Variants in CNTNAP2 observed in about 807,000 individuals in gnomAD.
CNTNAP2 encodes the protein contactin-associated protein-like 2.
A neutral mutation model predicts 155.2 loss-of-function variants in CNTNAP2; 98 were observed. The ratio of observed to expected loss-of-function variants is 0.63; its 90% CI spans 0.54 to 0.75. The LOEUF (loss-of-function observed/expected upper bound fraction) is 0.75, where lower values mean the gene tolerates loss of function less well. CNTNAP2 is among the 30% of genes least tolerant of loss of function. CNTNAP2 has a pLI of 0.00. For synonymous variants in CNTNAP2, 651 were observed against 631.2 expected, an observed-to-expected ratio of 1.03 and a Z score of -0.47; for missense variants, 1,727 against 1,688.1, an observed-to-expected ratio of 1.02 and a Z score of -0.40.
intron 1 of CNTNAP2, among the ~76,000 whole-genome samples, chr7:146,318,856 A>G (rs1341502635): frequency 6.6e-6 from 1 of 152,204 alleles, no homozygotes; most frequent in Non-Finnish European, 1.5e-5. Context: ...ATAATCTTAC[A>G]TAATAAAGTA....
chr7:147,707,263 T>C lies in CNTNAP2; in HGVS notation c.2098+67957T>C, dbSNP rs1796329981. On this transcript the variant is annotated intron_variant, in intron 13 of 23. Transcript: ENST00000361727. Reference sequence around the variant, plus strand: ...ATTTCTTCTTCCGGGTTTTTGAATTTGCTTTCCTAAGGAAGGACTCTGTTA... The same window carrying C: ...ATTTCTTCTTCCGGGTTTTTGAATTCGCTTTCCTAAGGAAGGACTCTGTTA... 2.6e-5 allele frequency among the ~76,000 whole-genome samples: 4 copies of C among 152,348 alleles called. No individual in the cohort carries two copies. In the South Asian group the frequency reaches 8.3e-4, roughly 32 times the overall value.
At chr7:146,630,956 T>A (rs1264556089) in intron 1 of CNTNAP2, among the ~76,000 whole-genome samples, 1 of 152,066 alleles carries the variant, frequency 6.6e-6, no homozygotes, top group Non-Finnish European at 1.5e-5. Flanking sequence ...ATAGGAAGAA[T>A]CAATATTGTG....
intron 2 of CNTNAP2, among the ~76,000 whole-genome samples, chr7:146,818,041 T>C (rs1351254404): frequency 6.6e-6 from 1 of 152,212 alleles, no homozygotes; most frequent in Non-Finnish European, 1.5e-5. Context: ...GTTAAATAAA[T>C]ACTAGTAGTG....
intron 21 of CNTNAP2, among the ~76,000 whole-genome samples, chr7:148,329,975 C>A (rs948939937): frequency 1.3e-5 from 2 of 152,206 alleles, no homozygotes; most frequent in East Asian, 3.9e-4. Flanking sequence ...CCCCCACCCT[C>A]CCCAGCCAGC....
intron 12 of CNTNAP2, among the ~76,000 whole-genome samples, chr7:147,629,379 G>C (rs921647188): frequency 2.7e-5 from 4 of 148,452 alleles, no homozygotes; most frequent in Non-Finnish European, 5.9e-5. Context: ...CTCCAGCCTG[G>C]GCAACAAGAG....
intron 2 of CNTNAP2, among the ~76,000 whole-genome samples, chr7:146,778,429 G>A (rs1802427225): frequency 1.3e-5 from 2 of 152,248 alleles, no homozygotes; most frequent in South Asian, 4.1e-4. Context: ...AAATCCATGC[G>A]TAATTCTGAC....
chr7:147,122,059 C>G (rs1584857320), intron 6 of CNTNAP2: 1 of 152,122 alleles, frequency 6.6e-6, no homozygotes, highest in African/African-American at 2.4e-5. Context: ...GCCTGTAATC[C>G]CAGCTACTCA....
rs144106049 is a variant in CNTNAP2, at chr7:147,297,174, A to G, written c.1349-2967A>G. On this transcript the variant is annotated intron_variant, in intron 8 of 23. Coordinates refer to ENST00000361727, the MANE Select transcript of CNTNAP2 (RefSeq NM_014141.6). ...TGAGAAGCCATAGTCAGCAACTCCA[A>G]TGCTATTTTTATTGCTTTTTTATGT... 2.3e-3 allele frequency among the ~76,000 whole-genome samples: 355 copies of G among 152,306 alleles called. 3 individuals carry two copies. The highest frequency in any genetic ancestry group is 7.5e-3 in the African/African-American group (313 of 41,582).
At chr7:146,383,466 C>A (rs922873268) in intron 1 of CNTNAP2, among the ~76,000 whole-genome samples, 15 of 151,988 alleles carry the variant, frequency 9.9e-5, no homozygotes, top group Non-Finnish European at 2.1e-4. Flanking sequence ...ATTTGGGATA[C>A]CTTTCTGCAT....
intron 14 of CNTNAP2, among the ~76,000 whole-genome samples, chr7:147,962,352 C>A (rs1197484068): frequency 6.6e-6 from 1 of 152,178 alleles, no homozygotes. Flanking sequence ...AATTTTGAAG[C>A]TCAGGAAGCT....
chr7:147,185,141 T>C (rs1312536845), intron 8 of CNTNAP2, among the ~76,000 whole-genome samples: 1 of 151,810 alleles, frequency 6.6e-6, no homozygotes, highest in African/African-American at 2.4e-5. Flanking sequence ...TATACAAATA[T>C]TAATCTTAAA....
chr7:146,533,382 G>T (rs1797799488), intron 1 of CNTNAP2, among the ~76,000 whole-genome samples: 1 of 151,936 alleles, frequency 6.6e-6, no homozygotes, highest in Admixed American at 6.6e-5. Flanking sequence ...TTATAGAAAA[G>T]ATGAAGATAA....
intron 15 of CNTNAP2, among the ~76,000 whole-genome samples, chr7:148,106,668 C>T (rs1473938832): frequency 1.3e-5 from 2 of 151,946 alleles, no homozygotes; most frequent in East Asian, 3.9e-4. Context: ...GCCTGATAGT[C>T]TACTCCTTAA....
intron 8 of CNTNAP2, among the ~76,000 whole-genome samples, chr7:147,220,767 T>G (rs1803379099): frequency 6.6e-6 from 1 of 151,972 alleles, no homozygotes. Flanking sequence ...CAGGCTGGAG[T>G]GTAGTGGCAT....
chr7:146,617,258 A>G (rs1235587973), intron 1 of CNTNAP2, among the ~76,000 whole-genome samples: 1 of 152,206 alleles, frequency 6.6e-6, no homozygotes, highest in Non-Finnish European at 1.5e-5. Flanking sequence ...CTATAACATG[A>G]GCTTGAACAA....
chr7:147,171,273 G>C (rs2035747117), intron 8 of CNTNAP2, among the ~76,000 whole-genome samples: 1 of 152,132 alleles, frequency 6.6e-6, no homozygotes, highest in South Asian at 2.1e-4. Context: ...CTTAGCATCT[G>C]CGTGTTTTCT....
intron 2 of CNTNAP2, among the ~76,000 whole-genome samples, chr7:146,826,940 C>T (rs1803416629): frequency 6.6e-6 from 1 of 150,490 alleles, no homozygotes; most frequent in African/African-American, 2.4e-5. Flanking sequence ...AGAATAAATA[C>T]AGTAACTGCT....
rs1461323379 is a variant in CNTNAP2, at chr7:146,538,797, A to T, written c.98-235474A>T. ...AAGTTTAAAAGCAGACAAAAAATTGATGATAATATGAAACTGTGATGTGAT... is the reference window on the plus strand; with the variant it reads ...AAGTTTAAAAGCAGACAAAAAATTGTTGATAATATGAAACTGTGATGTGAT... On this transcript the variant is annotated intron_variant, in intron 1 of 23. Coordinates refer to ENST00000361727, the MANE Select transcript of CNTNAP2 (RefSeq NM_014141.6). 2.7e-5 allele frequency among the ~76,000 whole-genome samples: 4 copies of T among 149,898 alleles called. No individual in the cohort carries two copies. The East Asian group carries it at 5.8e-4, about 22-fold the overall frequency.
intron 9 of CNTNAP2, among the ~76,000 whole-genome samples, chr7:147,356,875 T>C (rs1349587909): frequency 6.6e-6 from 1 of 152,112 alleles, no homozygotes; most frequent in Non-Finnish European, 1.5e-5. Flanking sequence ...TTTGAGGCTG[T>C]GTCTTGAGCA....
Sources: gnomAD v4.1 joint callset for allele counts (sites outside exome capture counted in the v4.1 genomes callset) on GRCh38, gnomAD v4.1.1 for gene constraint, MANE v1.5 for transcripts, NCBI Gene and HGNC (gene_info 2026-07-23, HGNC 2026-07-21) for gene names.